The following HMCN2 variants were observed in gnomAD, a reference collection of about 807,000 sequenced individuals.
HMCN2 encodes the protein hemicentin 2, also known as hemicentin-2.
HMCN2 carries 325 observed loss-of-function variants against 377.5 expected under a neutral mutation model. The ratio of observed to expected loss-of-function variants is 0.86; its 90% CI spans 0.79 to 0.94. The LOEUF (loss-of-function observed/expected upper bound fraction) is 0.94. Ranked by LOEUF, HMCN2 falls within the 40% of genes least tolerant of loss-of-function variation. The pLI is 0.00. For synonymous variants in HMCN2, 2,007 were observed against 2,046.8 expected, an observed-to-expected ratio of 0.98 and a Z score of 0.53; for missense variants, 4,543 against 4,725.3, an observed-to-expected ratio of 0.96 and a Z score of 1.13.
At chr9:130,340,284 C>G (rs981162479) in intron 23 of HMCN2, among the ~76,000 whole-genome samples, 8 of 152,246 alleles carry the variant, frequency 5.3e-5, no homozygotes, top group Non-Finnish European at 1.2e-4. Flanking sequence ...CCACCGGGCT[C>G]TATGCTGGCT....
At chr9:130,365,600 C>T (rs1484515877) in intron 41 of HMCN2, 31 bp from the exon 42 acceptor site, 1 of 965,322 alleles carries the variant, frequency 1.0e-6, no homozygotes, top group Non-Finnish European at 1.2e-6. Context: ...CTGTGCGTCC[C>T]CTCCCATGGG....
At position 130,369,242 on chromosome 9, in the gene HMCN2, C is replaced by T. The variant is rs973920470; in HGVS notation, c.6788-328C>T. Among the ~76,000 whole-genome samples, 1 of 152,172 alleles carries T rather than the reference C, an allele frequency of 6.6e-6. No individual in the cohort carries two copies. Among genetic ancestry groups the T allele is most frequent in the Non-Finnish European group, 1.5e-5 (1 of 68,034 alleles). On this transcript the variant is annotated intron_variant, in intron 44 of 97. Transcript: ENST00000683500. The surrounding 1 kb of genome is among the most constrained non-coding windows in gnomAD (Gnocchi z 4.5). Reference sequence around the variant, plus strand: ...CTGTTCAACATCTTGAGGAGAAACCCACCCGTAGAATAATTTCCCACCCCT... The same window carrying T: ...CTGTTCAACATCTTGAGGAGAAACCTACCCGTAGAATAATTTCCCACCCCT...
Position 130,383,518 on chromosome 9 carries a change from G to A in HMCN2, c.8748G>A (p.Glu2916=). ...DGQVLQVSTA[E]VADAASYMCV... is the part of the protein sequence containing the mutation. ...TGCACCCACAGGTTTCCACGGCAGA[G>A]GTGGCCGACGCCGCCAGCTACATGT... The change falls in exon 57 of 98, where the codon GAG becomes GAA. Residue 2916 remains glutamate (E), a synonymous_variant. Coordinates refer to ENST00000683500, the MANE Select transcript of HMCN2 (RefSeq NM_001291815.2). 1 of 986,120 alleles carries A rather than the reference G, an allele frequency of 1.0e-6. No individual in the cohort carries two copies. Among genetic ancestry groups the A allele is most frequent in the African/African-American group, 1.7e-5 (1 of 57,386 alleles). 61.1% of individuals were successfully genotyped at this position (986,120 alleles called of 1,614,324 possible). A position where few individuals can be genotyped will look rare whatever the true frequency, so the allele number is the denominator to read the frequency against.
chr9:130,431,462 C>T lies in HMCN2; in HGVS notation c.14743C>T (p.Leu4915Phe). The change falls in exon 96 of 98, where the codon CTC (leucine) becomes TTC (phenylalanine). Residue 4915 changes from leucine to phenylalanine, a missense_variant. By Grantham distance (22) the Leu-to-Phe change is conservative. Transcript: ENST00000683500. ...QCLCPAGYRLLPSGKNCQDIN... is the reference protein window; with the variant it reads ...QCLCPAGYRLFPSGKNCQDIN... ...CCTGTGCCCCGCCGGCTACCGTCTG[C>T]TCCCCAGCGGGAAGAACTGCCAGGG... The T allele has an allele frequency of 6.5e-7, 1 of 1,549,866 alleles. No individual in the cohort carries two copies.
chr9:130,359,477 C>T (rs960173460), intron 37 of HMCN2, 63 bp downstream of exon 37: 6 of 873,106 alleles, frequency 6.9e-6, no homozygotes, highest in East Asian at 1.3e-4. Flanking sequence ...ATGAGGCTGG[C>T]GAGTGACCCA....
chr9:130,297,412 G>C (rs142527642), intron 7 of HMCN2, among the ~76,000 whole-genome samples: 1 of 152,222 alleles, frequency 6.6e-6, no homozygotes, highest in Admixed American at 6.5e-5. Context: ...AGAAGCCTGG[G>C]CACCGAGGCA....
intron 15 of HMCN2, among the ~76,000 whole-genome samples, chr9:130,312,244 A>C (rs926403451): frequency 0.94 from 143,161 of 151,960 alleles, 67,605 homozygotes; most frequent in East Asian, 0.99. Flanking sequence ...GGCGCTGCTT[A>C]CGTCTGCAAG....
intron 25 of HMCN2, among the ~76,000 whole-genome samples, chr9:130,345,252 TGTGTATGGTGTGTGGTGTGTGTA>T (rs1839317178): frequency 6.7e-6 from 1 of 149,650 alleles, no homozygotes; most frequent in Admixed American, 6.6e-5. Context: ...GTGTGTGGTA[TGTGTATGGTGTGTGGTGTGTGTA>T]GTGTATGGTG....
Position 130,424,773 on chromosome 9 carries a change from C to G in HMCN2, c.13382-3C>G. On this transcript the variant is annotated splice_region_variant and splice_polypyrimidine_tract_variant and intron_variant, in intron 87 of 97. Coordinates refer to ENST00000683500, the MANE Select transcript of HMCN2 (RefSeq NM_001291815.2). ...CCCGGCCTCTATGCCCTGCCCCACC[C>G]AGGGCCTCTGATGCGGGTGCTCGTG... is the stretch of plus-strand genomic sequence containing the variant. 1 of 1,534,900 alleles carries G rather than the reference C, an allele frequency of 6.5e-7. No individual in the cohort carries two copies. Among genetic ancestry groups the G allele is most frequent in the South Asian group, 1.2e-5 (1 of 81,994 alleles).
intron 4 of HMCN2, 28 bp from the exon 5 acceptor site, chr9:130,294,827 G>C (rs1309047681): frequency 5.0e-6 from 2 of 398,218 alleles, no homozygotes; most frequent in Non-Finnish European, 5.3e-6. Context: ...GGCACCTGCC[G>C]GCATCAGCTC....
chr9:130,284,541 C>G, intron 1 of HMCN2, 62 bp from the exon 2 acceptor site: 1 of 469,034 alleles, frequency 2.1e-6, no homozygotes, highest in Non-Finnish European at 4.4e-6. Flanking sequence ...GACAAACCAG[C>G]CCACCGGGCT....
At chr9:130,420,065 C>CTTTTTTTT (rs10586199) in intron 86 of HMCN2, among the ~76,000 whole-genome samples, 7 of 77,034 alleles carry the variant, frequency 9.1e-5, no homozygotes, top group East Asian at 4.1e-4. Context: ...CGTCCCACTT[C>CTTTTTTTT]TTTTTTTTTT....
rs1840809055 is a variant in HMCN2 at position 130,368,323 on chromosome 9, G to C, written c.6673G>C (p.Val2225Leu). The C allele has an allele frequency of 1.0e-6, 1 of 985,688 alleles. No individual in the cohort carries two copies. The highest frequency in any genetic ancestry group is 6.1e-5 in the Admixed American group (1 of 16,264). 61.1% of individuals were successfully genotyped at this position (985,688 alleles called of 1,614,324 possible). A position where few individuals can be genotyped will look rare whatever the true frequency, so the allele number is the denominator to read the frequency against. ...GGCTGGCCTCCAGCACGTGTCGGCT[G>C]TGGGGAGGCTGTTGTACCTGGGACA... ...EGAGLQHVSA[V>L]GRLLYLGQAQ... is the part of the protein sequence containing the mutation. Residue 2225 changes from valine to leucine, a missense_variant, in exon 44 of 98, where the codon GTG (valine) becomes CTG (leucine). This residue lies in a region of HMCN2 where 1,032 missense variants were observed against 1,285.1 expected (regional missense o/e 0.80). Coordinates refer to ENST00000683500, the MANE Select transcript of HMCN2 (RefSeq NM_001291815.2).
At chr9:130,392,673 T>C (rs1016622331) in intron 66 of HMCN2, among the ~76,000 whole-genome samples, 7 of 152,022 alleles carry the variant, frequency 4.6e-5, no homozygotes, top group African/African-American at 1.5e-4. Context: ...AGCTGGAGGC[T>C]TTATCCTGGG....
intron 8 of HMCN2, among the ~76,000 whole-genome samples, chr9:130,300,206 C>T (rs1588200326): frequency 6.6e-6 from 1 of 152,170 alleles, no homozygotes; most frequent in East Asian, 1.9e-4. Flanking sequence ...CATCTACCCA[C>T]CCATTCACTA....
chr9:130,356,366 A>G, intron 34 of HMCN2, 109 bp downstream of exon 34: 1 of 1,099,022 alleles, frequency 9.1e-7, no homozygotes, highest in Non-Finnish European at 1.2e-6. Context: ...TCTTTGCTGG[A>G]TGGCGTTTCT....
intron 7 of HMCN2, among the ~76,000 whole-genome samples, chr9:130,297,072 C>G (rs192942728): frequency 6.6e-6 from 1 of 152,356 alleles, no homozygotes; most frequent in East Asian, 1.9e-4. Flanking sequence ...CTGGAGGACA[C>G]TTACACTGTG....
At chr9:130,322,239 ATATT>A (rs1837889607) in intron 19 of HMCN2, among the ~76,000 whole-genome samples, 2 of 152,184 alleles carry the variant, frequency 1.3e-5, no homozygotes, top group East Asian at 3.8e-4. Context: ...CATAGAATAT[ATATT>A]CTTTATACAT....
intron 8 of HMCN2, among the ~76,000 whole-genome samples, chr9:130,299,843 CCACCCATTCACT>C (rs1554933737): frequency 7.0e-6 from 1 of 142,048 alleles, no homozygotes; most frequent in Non-Finnish European, 1.6e-5. Flanking sequence ...ATCCATCCAC[CCACCCATTCACT>C]CACCCATCCA....
Sources: gnomAD v4.1 joint callset for allele counts (sites outside exome capture counted in the v4.1 genomes callset) on GRCh38, gnomAD v4.1.1 for gene constraint, gnomAD v4.1.1 regional missense constraint, Gnocchi (gnomAD v3.1) non-coding constraint, MANE v1.5 for transcripts, NCBI Gene and HGNC (gene_info 2026-07-23, HGNC 2026-07-21) for gene names.